GABRA3: variants seen among roughly 807,000 people sequenced by gnomAD.
The protein encoded by GABRA3 is gamma-aminobutyric acid receptor subunit alpha-3.
GABRA3 carries 10 observed loss-of-function variants against 30.1 expected under a neutral mutation model. The ratio of observed to expected loss-of-function variants is 0.33; its 90% CI spans 0.20 to 0.56. The LOEUF is 0.56. Ranked by LOEUF, GABRA3 falls within the 20% of genes least tolerant of loss-of-function variation. The probability of loss-of-function intolerance (pLI) is 0.89; values close to 1 mark genes in which losing one functional copy is unlikely to be tolerated. For missense variants in GABRA3, 233 were observed against 392.0 expected (o/e 0.59, Z 3.42); for synonymous variants, 151 against 146.8 (o/e 1.03, Z -0.21).
rs180830020 is a variant in GABRA3 at position 152,383,182 on chromosome X, C to T, written c.-26-18586G>A. 6.0e-3 allele frequency among the ~76,000 whole-genome samples: 650 copies of T among 107,915 alleles called. 9 individuals carry two copies. Among genetic ancestry groups the T allele is most frequent in the Middle Eastern group, 9.3e-3 (2 of 214 alleles). The allele number at this position is 107,915 out of a possible 115,157, so 93.7% of individuals were successfully genotyped here. On this transcript the variant is annotated intron_variant, in intron 1 of 9. Coordinates refer to ENST00000370314, the MANE Select transcript of GABRA3 (RefSeq NM_000808.4). ...CAGGCAGATCATGAGGTCAGGAGAT[C>T]GAGACCATCCTGGCTAACACAATGA... is the stretch of plus-strand genomic sequence containing the variant.
chrX:152,418,845 T>C, intron 1 of GABRA3, among the ~76,000 whole-genome samples: 1 of 111,527 alleles, frequency 9.0e-6, no homozygotes, highest in Non-Finnish European at 1.9e-5. Flanking sequence ...TGCACACGTA[T>C]GTTTATTGCG....
At chrX:152,388,454 C>T (rs1408776452) in intron 1 of GABRA3, among the ~76,000 whole-genome samples, 1 of 111,519 alleles carries the variant, frequency 9.0e-6, no homozygotes, top group East Asian at 2.8e-4. Context: ...AGATTCTCAC[C>T]CTGCATGTGT....
chrX:152,444,783 C>T (rs1261605225), intron 1 of GABRA3, among the ~76,000 whole-genome samples: 7 of 74,248 alleles, frequency 9.4e-5, no homozygotes, highest in Admixed American at 2.0e-4. Context: ...TTTTTTTGGC[C>T]GGGCGCGGTG....
rs749228851 is a variant in GABRA3 at position 152,220,873 on chromosome X, C to CTG, written c.634+3888_634+3889dup. Among the ~76,000 whole-genome samples, 1,018 of 108,872 alleles carry CTG rather than the reference C, an allele frequency of 9.4e-3. 10 individuals are homozygous for CTG. The highest frequency in any genetic ancestry group is 0.032 in the African/African-American group (967 of 30,073). 94.5% of individuals were successfully genotyped at this position (108,872 alleles called of 115,157 possible). A position where few individuals can be genotyped will look rare whatever the true frequency, so the allele number is the denominator to read the frequency against. On this transcript the variant is annotated intron_variant, in intron 6 of 9. Coordinates refer to ENST00000370314, the MANE Select transcript of GABRA3 (RefSeq NM_000808.4). ...TGCATGTGCATGTGCGTGTGTGTGC[C>CTG]TGTGTGTGTGTGTGTTTCTGAGCTT...
intron 9 of GABRA3, 116 bp downstream of exon 9, chrX:152,189,614 C>T: frequency 7.7e-6 from 4 of 518,548 alleles, no homozygotes; most frequent in Non-Finnish European, 6.5e-6. Context: ...GGATTGATGA[C>T]CCCAGTGCAT....
At chrX:152,220,901 G>A (rs1272974930) in intron 6 of GABRA3, among the ~76,000 whole-genome samples, 1 of 110,309 alleles carries the variant, frequency 9.1e-6, no homozygotes, top group Non-Finnish European at 1.9e-5. Context: ...CTGAGCTTGG[G>A]AAACTGTTTT....
At chrX:152,225,676 T>C (rs1247824727) in intron 5 of GABRA3, among the ~76,000 whole-genome samples, 1 of 107,849 alleles carries the variant, frequency 9.3e-6, no homozygotes. Flanking sequence ...TTTCCCCTTC[T>C]GATTTTTTTT....
At chrX:152,449,882 A>G (rs2124558597) in intron 1 of GABRA3, among the ~76,000 whole-genome samples, 1 of 112,126 alleles carries the variant, frequency 8.9e-6, no homozygotes, top group African/African-American at 3.2e-5. Flanking sequence ...AAAGATAATA[A>G]TAGTGTCTGT....
At chrX:152,294,672 T>C (rs948427073) in intron 3 of GABRA3, among the ~76,000 whole-genome samples, 46 of 111,613 alleles carry the variant, frequency 4.1e-4, no homozygotes, top group Non-Finnish European at 7.5e-4. Flanking sequence ...GTTCCATTGC[T>C]GGTGAGGAGC....
At chrX:152,276,857 A>G (rs976436598) in intron 4 of GABRA3, among the ~76,000 whole-genome samples, 12 of 112,280 alleles carry the variant, frequency 1.1e-4, no homozygotes, top group African/African-American at 3.5e-4. Context: ...ATTCTTATTT[A>G]TAAAGTATGC....
chrX:152,444,658 T>G (rs1440484983), intron 1 of GABRA3, among the ~76,000 whole-genome samples: 3 of 109,776 alleles, frequency 2.7e-5, no homozygotes, highest in Non-Finnish European at 5.7e-5. Context: ...AAAGGTTATT[T>G]TATGCTATGG....
chrX:152,208,089 G>A lies in GABRA3; in HGVS notation c.690C>T (p.Ser230=), dbSNP rs778363531. 12 of 1,209,292 alleles carry A rather than the reference G, an allele frequency of 9.9e-6. No individual in the cohort carries two copies. The highest frequency in any genetic ancestry group is 2.3e-4 in the Middle Eastern group (1 of 4,375). ...GAGAACCATCCTGTGCCACTTCCAC[G>A]GATTTGTTCTTTCCGAGAGTCCAAG... is the stretch of plus-strand genomic sequence containing the variant. ...VYSWTLGKNK[S]VEVAQDGSRL... Residue 230 remains serine, a synonymous_variant, in exon 7 of 10, where the codon TCC becomes TCT. Transcript: ENST00000370314.
At chrX:152,406,112 C>T (rs1929928901) in intron 1 of GABRA3, among the ~76,000 whole-genome samples, 1 of 109,425 alleles carries the variant, frequency 9.1e-6, no homozygotes, top group Admixed American at 9.8e-5. Context: ...TTAGTGTGCT[C>T]CCAAGTGCTG....
chrX:152,398,969 A>G (rs111657701), intron 1 of GABRA3, among the ~76,000 whole-genome samples: 3,229 of 111,473 alleles, frequency 0.029, 46 homozygotes, highest in South Asian at 0.06. Context: ...GGGATAAAAC[A>G]TTTTACTTTC....
intron 1 of GABRA3, among the ~76,000 whole-genome samples, chrX:152,369,140 C>G (rs1340587684): frequency 9.0e-6 from 1 of 110,700 alleles, no homozygotes; most frequent in East Asian, 2.8e-4. Context: ...TTGATAATGC[C>G]CAGTCTAACA....
chrX:152,424,219 C>T (rs998556780), intron 1 of GABRA3, among the ~76,000 whole-genome samples: 1 of 110,726 alleles, frequency 9.0e-6, no homozygotes, highest in East Asian at 2.9e-4. Flanking sequence ...AATCAGAAAC[C>T]GACAAGTCAT....
At chrX:152,215,011 C>T (rs1569358068) in intron 6 of GABRA3, among the ~76,000 whole-genome samples, 1 of 104,158 alleles carries the variant, frequency 9.6e-6, no homozygotes, top group Admixed American at 1.1e-4. Context: ...TATATATATA[C>T]ACACACATAT....
At chrX:152,307,300 A>G (rs1218421131) in intron 3 of GABRA3, among the ~76,000 whole-genome samples, 1 of 112,064 alleles carries the variant, frequency 8.9e-6, no homozygotes, top group African/African-American at 3.2e-5. Context: ...AGTGCTATCT[A>G]AATGCTAGTT....
At chrX:152,187,168 C>G (rs970413229) in intron 9 of GABRA3, 45 of 111,747 alleles carry the variant, frequency 4.0e-4, no homozygotes, top group African/African-American at 1.4e-3. Context: ...CTGCAACCAA[C>G]CAAAAACAGT....
Sources: gnomAD v4.1 joint callset for allele counts (sites outside exome capture counted in the v4.1 genomes callset) on GRCh38, gnomAD v4.1.1 for gene constraint, MANE v1.5 for transcripts, NCBI Gene and HGNC (gene_info 2026-07-23, HGNC 2026-07-21) for gene names.